The following ATM variants were observed in gnomAD, a reference collection of about 807,000 sequenced individuals.
ATM encodes the protein ATM serine/threonine kinase, also known as serine-protein kinase ATM.
A neutral mutation model predicts 387.0 loss-of-function variants in ATM; 308 were observed. The observed-to-expected ratio is 0.80, with a 90% confidence interval of 0.73 to 0.87. The LOEUF (loss-of-function observed/expected upper bound fraction) is 0.87. Among genes scored for constraint, ATM ranks in the 40% least tolerant of loss-of-function variants. ATM has a pLI of 0.00. For synonymous variants in ATM, 1,156 were observed against 1,187.3 expected, an observed-to-expected ratio of 0.97 and a Z score of 0.54; for missense variants, 3,312 against 3,560.9, an observed-to-expected ratio of 0.93 and a Z score of 1.78.
intron 59 of ATM, among the ~76,000 whole-genome samples, chr11:108,348,099 A>G (rs2088676779): frequency 6.6e-6 from 1 of 152,146 alleles, no homozygotes; most frequent in Admixed American, 6.5e-5. Flanking sequence ...GGAATATATC[A>G]AGTTTTGTAA....
rs56161469 is a variant in ATM, at chr11:108,297,131, T to A, written c.4910-156T>A. 8,061 of 617,244 alleles carry A rather than the reference T, an allele frequency of 0.013. 226 individuals carry two copies. The highest frequency in any genetic ancestry group is 0.075 in the African/African-American group (4,078 of 54,244). 38.2% of individuals were successfully genotyped at this position (617,244 alleles called of 1,614,324 possible). On this transcript the variant is annotated intron_variant, in intron 32 of 62. Transcript: ENST00000675843. ...ATCTGTTGTATTAAGGAAGTTCAGA[T>A]TCATTCCCTACATATTTTTTGAGCT... is the stretch of plus-strand genomic sequence containing the variant.
intron 59 of ATM, among the ~76,000 whole-genome samples, chr11:108,347,958 G>A (rs910222244): frequency 2.6e-5 from 4 of 152,176 alleles, no homozygotes; most frequent in Non-Finnish European, 5.9e-5. Flanking sequence ...AAATGATGAA[G>A]ATTTATACTA....
At chr11:108,336,138 AG>A in intron 56 of ATM, 177 bp downstream of exon 56, 39 of 546,876 alleles carry the variant, frequency 7.1e-5, no homozygotes, top group Middle Eastern at 5.1e-4. Flanking sequence ...CTTGACAAAA[AG>A]TTAAAAAAAA....
chr11:108,331,647 GA>G, intron 51 of ATM, 90 bp downstream of exon 51: 1 of 1,416,630 alleles, frequency 7.1e-7, no homozygotes, highest in Non-Finnish European at 9.4e-7. Context: ...TTCCCTCTAA[GA>G]AATGGAAATA....
At chr11:108,263,795 G>A in intron 16 of ATM, among the ~76,000 whole-genome samples, 1 of 149,384 alleles carries the variant, frequency 6.7e-6, no homozygotes, top group African/African-American at 2.5e-5. Flanking sequence ...ATGATAAAGG[G>A]GATATCACCA....
In ATM at chr11:108,362,152, A is replaced by G. The variant is rs1193736154; in HGVS notation, c.8851-2930A>G. Reference sequence around the variant, plus strand: ...AAGTGGGTGAAGGACATGAACAGACACTTCTCAAAAGAAGACATTTATGCA... The same window carrying G: ...AAGTGGGTGAAGGACATGAACAGACGCTTCTCAAAAGAAGACATTTATGCA... On this transcript the variant is annotated intron_variant, in intron 61 of 62. Coordinates refer to ENST00000675843, the MANE Select transcript of ATM (RefSeq NM_000051.4). Among the ~76,000 whole-genome samples the G allele has an allele frequency of 7.0e-5, 10 of 143,294 alleles. 1 individual carries two copies. Among genetic ancestry groups the G allele is most frequent in the African/African-American group, 2.4e-4 (9 of 38,172 alleles). 94.0% of individuals were successfully genotyped at this position (143,294 alleles called of 152,430 possible).
chr11:108,365,009 C>A (rs2137858370), intron 61 of ATM, 73 bp from the exon 62 acceptor site: 1 of 1,541,084 alleles, frequency 6.5e-7, no homozygotes, highest in East Asian at 2.3e-5. Flanking sequence ...TTGTATGATA[C>A]TGGTTCTACT....
intron 24 of ATM, among the ~76,000 whole-genome samples, chr11:108,281,856 G>A (rs1014364170): frequency 1.3e-5 from 2 of 151,964 alleles, no homozygotes; most frequent in African/African-American, 4.8e-5. Context: ...AGACTTGTTC[G>A]GTGTTTCTTA....
chr11:108,332,831 G>C lies in ATM; in HGVS notation c.7858G>C (p.Val2620Leu), dbSNP rs1427723678. Reference sequence around the variant, plus strand: ...TAGGAGACCTCAGATGGTCAGAAGTGTTGAGGCACTTTGTGATGCTTATAT... The same window carrying C: ...TAGGAGACCTCAGATGGTCAGAAGTCTTGAGGCACTTTGTGATGCTTATAT... ...RSRRPQMVRS[V>L]EALCDAYIIL... Residue 2620 changes from valine (V) to leucine (L), a missense_variant, in exon 53 of 63, where the codon GTT (valine) becomes CTT (leucine). Val to Leu is a conservative substitution (Grantham distance 32). Transcript: ENST00000675843. 6.2e-7 allele frequency: 1 copy of C among 1,613,266 alleles called. No homozygotes were observed. The highest frequency in any genetic ancestry group is 8.5e-7 in the Non-Finnish European group (1 of 1,179,580).
In ATM at chr11:108,330,327, T is replaced by C. The variant is rs2136458920; in HGVS notation, c.7421T>C (p.Leu2474Ser). 6.2e-7 allele frequency: 1 copy of C among 1,614,166 alleles called. No homozygotes were observed. Among genetic ancestry groups the C allele is most frequent in the Non-Finnish European group, 8.5e-7 (1 of 1,180,012 alleles). ...GCAGTTGAAAATTATATCAACTGCT[T>C]ATTAAGTGGAGAAGAACATGATATG... ...CKAVENYINCLLSGEEHDMWV... is the reference protein window; with the variant it reads ...CKAVENYINCSLSGEEHDMWV... Residue 2474 changes from leucine (L) to serine (S), a missense_variant, in exon 50 of 63, where the codon TTA becomes TCA. Leu to Ser is a moderately radical substitution (Grantham distance 145). This residue lies in a region of ATM where 1,405 missense variants were observed against 1,604.4 expected (regional missense o/e 0.88). Transcript: ENST00000675843.
Position 108,284,232 on chromosome 11 carries a change from G to A in ATM, c.3752G>A (p.Cys1251Tyr), listed in dbSNP as rs1427548500. Residue 1251 changes from cysteine to tyrosine, a missense_variant, in exon 26 of 63, where the codon TGT (cysteine) becomes TAT (tyrosine). Around this residue, in one of 4 missense-constraint regions of ATM, gnomAD observed 1,791 missense variants for 1,804.5 expected, o/e 0.99. Coordinates refer to ENST00000675843, the MANE Select transcript of ATM (RefSeq NM_000051.4). ...TTAAATTTTTCTATTTTTAGATCTT[G>A]TTATAAGGTTTTGATTCCACATCTG... ...YTNIEDFYRSCYKVLIPHLVI... is the reference protein window; with the variant it reads ...YTNIEDFYRSYYKVLIPHLVI... 4 of 1,606,626 alleles carry A rather than the reference G, an allele frequency of 2.5e-6. No individual in the cohort carries two copies. Among genetic ancestry groups the A allele is most frequent in the Non-Finnish European group, 3.4e-6 (4 of 1,174,242 alleles).
chr11:108,286,771 C>A (rs761993107), intron 26 of ATM, among the ~76,000 whole-genome samples: 1 of 152,070 alleles, frequency 6.6e-6, no homozygotes, highest in Non-Finnish European at 1.5e-5. Context: ...GCCTCATTTA[C>A]GTTAGGTTTC....
chr11:108,273,032 T>C (rs1263270293), intron 22 of ATM, among the ~76,000 whole-genome samples, 180 bp downstream of exon 22: 1 of 152,218 alleles, frequency 6.6e-6, no homozygotes, highest in African/African-American at 2.4e-5. Context: ...GATTCTATTA[T>C]TTCCTTCAAT....
At chr11:108,331,715 T>A in intron 51 of ATM, 158 bp downstream of exon 51, 2 of 1,308,944 alleles carry the variant, frequency 1.5e-6, no homozygotes, top group African/African-American at 1.5e-5. Context: ...TTTCTCTCTC[T>A]AATTCCTCAT....
In ATM at chr11:108,289,627, C is replaced by T. The variant is rs2135759716; in HGVS notation, c.4262C>T (p.Ala1421Val). 1 of 1,608,894 alleles carries T rather than the reference C, an allele frequency of 6.2e-7. No homozygotes were observed. Among genetic ancestry groups the T allele is most frequent in the East Asian group, 2.2e-5 (1 of 44,796 alleles). The stretch of plus-strand genomic sequence containing the variant: ...GATTCCTATCAGAAAATTCTTCTTG[C>T]CATATGTGAGCAAGCAGCTGAAACA... ...SPDSYQKILL[A>V]ICEQAAETNN... The change falls in exon 29 of 63, where the codon GCC becomes GTC. Residue 1421 changes from alanine to valine, a missense_variant. Physicochemically the swap from Ala to Val is moderately conservative, Grantham distance 64 (BLOSUM62 0). This residue lies in a region of ATM where 1,791 missense variants were observed against 1,804.5 expected (regional missense o/e 0.99). Transcript: ENST00000675843.
intron 61 of ATM, among the ~76,000 whole-genome samples, chr11:108,358,783 C>T (rs1445344183): frequency 1.6e-4 from 24 of 148,796 alleles, no homozygotes. Flanking sequence ...CCTAAAAGAG[C>T]TCCTGAAGGA....
intron 8 of ATM, among the ~76,000 whole-genome samples, chr11:108,247,642 C>T (rs1005240441): frequency 6.6e-6 from 1 of 152,274 alleles, no homozygotes; most frequent in Admixed American, 6.5e-5. Context: ...GTCACCCAGG[C>T]TGGAGTGCAG....
intron 28 of ATM, among the ~76,000 whole-genome samples, 183 bp from the exon 29 acceptor site, chr11:108,289,419 T>A (rs2082662272): frequency 1.3e-5 from 2 of 152,178 alleles, no homozygotes; most frequent in Non-Finnish European, 2.9e-5. Flanking sequence ...TAGTTTAAGA[T>A]AGTAATTTTC....
chr11:108,357,474 G>C (rs192898430), intron 61 of ATM, among the ~76,000 whole-genome samples: 1 of 152,218 alleles, frequency 6.6e-6, no homozygotes, highest in South Asian at 2.1e-4. Context: ...GCCTCTGTAG[G>C]CTCCACCTCT....
Sources: gnomAD v4.1 joint callset for allele counts (sites outside exome capture counted in the v4.1 genomes callset) on GRCh38, gnomAD v4.1.1 for gene constraint, gnomAD v4.1.1 regional missense constraint, MANE v1.5 for transcripts, NCBI Gene and HGNC (gene_info 2026-07-23, HGNC 2026-07-21) for gene names.